Variants in CFAP20DC observed in about 807,000 individuals in gnomAD.
The protein encoded by CFAP20DC is protein CFAP20DC.
In CFAP20DC, 84 loss-of-function variants were observed where a neutral mutation model predicts 101.7. The observed-to-expected ratio is 0.83, with a 90% CI of 0.69 to 0.99. The LOEUF (loss-of-function observed/expected upper bound fraction) is 0.99. Among genes scored for constraint, CFAP20DC ranks in the 50% least tolerant of loss-of-function variants. CFAP20DC has a pLI of 0.00. For synonymous variants in CFAP20DC, 359 were observed against 351.2 expected (o/e 1.02, Z -0.25); for missense variants, 1,007 against 970.3 (o/e 1.04, Z -0.50).
chr3:58,984,476 G>C (rs2092686745), intron 4 of CFAP20DC, among the ~76,000 whole-genome samples: 1 of 152,204 alleles, frequency 6.6e-6, no homozygotes, highest in Non-Finnish European at 1.5e-5. Context: ...ACACTGCAGA[G>C]AGATGTAGCC....
At position 58,717,710 on chromosome 3, in the gene CFAP20DC, TATCAGGAAAACA is replaced by T; in HGVS notation, c.198-94_198-83del. The T allele has an allele frequency of 2.6e-6, 1 of 387,892 alleles. No individual in the cohort carries two copies. Among genetic ancestry groups the T allele is most frequent in the South Asian group, 1.9e-5 (1 of 53,508 alleles). 24.0% of individuals were successfully genotyped at this position (387,892 alleles called of 1,614,324 possible). Reference sequence around the variant, plus strand: ...CTTTTATTCTGGGTCTGTCCATTGTTATCAGGAAAACAATGCTTTTTCTGGAAGTCTCATCCT... The same window carrying T: ...CTTTTATTCTGGGTCTGTCCATTGTTATGCTTTTTCTGGAAGTCTCATCCT... On this transcript the variant is annotated intron_variant, in intron 3 of 3. Coordinates refer to the CFAP20DC transcript ENST00000486145. This position sits in a 1 kb window ranked among gnomAD's most constrained non-coding sequence, Gnocchi z 4.1.
downstream of CFAP20DC, among the ~76,000 whole-genome samples, chr3:58,740,428 T>C (rs192125645): frequency 2.3e-3 from 351 of 152,234 alleles, 2 homozygotes; most frequent in Non-Finnish European, 4.3e-3. This position sits in a 1 kb window ranked among gnomAD's most constrained non-coding sequence, Gnocchi z 4.6. Flanking sequence ...GTGCTGTCAA[T>C]TTGGTGGCCA....
At chr3:58,982,270 C>T (rs1370501989) in intron 4 of CFAP20DC, among the ~76,000 whole-genome samples, 7 of 152,164 alleles carry the variant, frequency 4.6e-5, no homozygotes, top group Non-Finnish European at 8.8e-5. Flanking sequence ...GGACTGTAAA[C>T]TAGTTTGTAA....
chr3:58,991,857 G>A (rs2092949708), intron 4 of CFAP20DC, among the ~76,000 whole-genome samples: 1 of 152,072 alleles, frequency 6.6e-6, no homozygotes, highest in Non-Finnish European at 1.5e-5. Context: ...CCCAGGGCTC[G>A]GGGACCCCTG....
At chr3:58,849,469 T>C (rs1575914331) in intron 12 of CFAP20DC, 60 bp from the exon 13 acceptor site, 2 of 1,218,826 alleles carry the variant, frequency 1.6e-6, no homozygotes, top group South Asian at 3.2e-5. Context: ...AATAAGTTAC[T>C]GAGTACAAGT....
At chr3:58,827,384 T>C (rs1210871519) in intron 14 of CFAP20DC, among the ~76,000 whole-genome samples, 1 of 124,174 alleles carries the variant, frequency 8.1e-6, no homozygotes, top group African/African-American at 3.1e-5. Context: ...AAGTTGACAG[T>C]GTGGCAGGAG....
chr3:59,030,039 C>A (rs564008844), intron 4 of CFAP20DC, among the ~76,000 whole-genome samples: 3 of 152,166 alleles, frequency 2.0e-5, no homozygotes, highest in African/African-American at 7.2e-5. Flanking sequence ...ATGACTAAAT[C>A]TGTAAACCAG....
At chr3:58,740,549 G>C (rs965397175), downstream of CFAP20DC, among the ~76,000 whole-genome samples, 2 of 152,140 alleles carry the variant, frequency 1.3e-5, no homozygotes, top group African/African-American at 4.8e-5. This position sits in a 1 kb window ranked among gnomAD's most constrained non-coding sequence, Gnocchi z 4.6. Flanking sequence ...GGGATCAAGG[G>C]TGTCTGTTGC....
intron 15 of CFAP20DC, among the ~76,000 whole-genome samples, chr3:58,770,220 C>T (rs906703277): frequency 6.6e-6 from 1 of 152,178 alleles, no homozygotes. Flanking sequence ...CAGTAATATC[C>T]CATCTACTTG....
intron 4 of CFAP20DC, among the ~76,000 whole-genome samples, chr3:59,020,071 G>A (rs1180699172): frequency 2.0e-5 from 3 of 152,100 alleles, no homozygotes; most frequent in South Asian, 4.1e-4. Flanking sequence ...AATTATTTTT[G>A]TAAGTATAAT....
At chr3:58,888,413 CTTTTA>C (rs965269082) in intron 6 of CFAP20DC, among the ~76,000 whole-genome samples, 5 of 151,624 alleles carry the variant, frequency 3.3e-5, no homozygotes, top group African/African-American at 1.2e-4. Context: ...TTTTTTTCAA[CTTTTA>C]TTTTAAGTTC....
At chr3:58,954,497 G>C (rs2090447296) in intron 4 of CFAP20DC, among the ~76,000 whole-genome samples, 3 of 152,074 alleles carry the variant, frequency 2.0e-5, no homozygotes, top group African/African-American at 2.4e-5. Flanking sequence ...ATAGCTCTAG[G>C]TACAGTTACA....
chr3:58,833,006 T>A (rs548844156), intron 13 of CFAP20DC, among the ~76,000 whole-genome samples: 47 of 152,354 alleles, frequency 3.1e-4, no homozygotes, highest in Non-Finnish European at 6.5e-4. Context: ...TAGAATTTTT[T>A]AGATGTTTAT....
intron 4 of CFAP20DC, among the ~76,000 whole-genome samples, chr3:59,003,529 C>T (rs1409852877): frequency 6.6e-6 from 1 of 152,108 alleles, no homozygotes; most frequent in Non-Finnish European, 1.5e-5. Context: ...CCATAGGTAT[C>T]CCCATAAAAG....
At chr3:58,922,057 T>C (rs2085439120) in intron 5 of CFAP20DC, among the ~76,000 whole-genome samples, 1 of 152,194 alleles carries the variant, frequency 6.6e-6, no homozygotes, top group Admixed American at 6.5e-5. Flanking sequence ...CATCTTACTT[T>C]CATCTTTTTA....
Position 58,742,487 on chromosome 3 carries a change from T to C in CFAP20DC, c.2418A>G (p.Gln806=). The C allele has an allele frequency of 1.2e-6, 2 of 1,606,774 alleles. No homozygotes were observed. The highest frequency in any genetic ancestry group is 1.7e-6 in the Non-Finnish European group (2 of 1,176,388). The change falls in exon 17 of 17, where the codon CAA becomes CAG. Residue 806 remains glutamine, a synonymous_variant. Transcript: ENST00000482387. ...DPCLNCYFDP[Q]TGKYYELV is the part of the protein sequence containing the mutation. ...ATACCAACTCATAGTATTTCCCTGTTTGGGGGTCAAAGTAACAGTTCAGAC... is the reference window on the plus strand; with the variant it reads ...ATACCAACTCATAGTATTTCCCTGTCTGGGGGTCAAAGTAACAGTTCAGAC...
At chr3:59,004,076 A>G (rs1024543877) in intron 4 of CFAP20DC, among the ~76,000 whole-genome samples, 5 of 152,192 alleles carry the variant, frequency 3.3e-5, no homozygotes, top group African/African-American at 1.2e-4. Flanking sequence ...GGGCAAACCT[A>G]TGAATGAGGT....
At chr3:58,831,254 A>G (rs946953006) in intron 14 of CFAP20DC, among the ~76,000 whole-genome samples, 1 of 152,242 alleles carries the variant, frequency 6.6e-6, no homozygotes, top group African/African-American at 2.4e-5. Flanking sequence ...TGACTTCTAC[A>G]GAAGGTTCTT....
intron 14 of CFAP20DC, among the ~76,000 whole-genome samples, chr3:58,815,579 A>C (rs1020367795): frequency 4.6e-5 from 7 of 151,498 alleles, no homozygotes; most frequent in Admixed American, 2.0e-4. Flanking sequence ...GCAACCTACA[A>C]AATGGGAGAA....
Sources: gnomAD v4.1 joint callset for allele counts (sites outside exome capture counted in the v4.1 genomes callset) on GRCh38, gnomAD v4.1.1 for gene constraint, Gnocchi (gnomAD v3.1) non-coding constraint, MANE v1.5 for transcripts, NCBI Gene and HGNC (gene_info 2026-07-23, HGNC 2026-07-21) for gene names.